KCTD16: variants seen among roughly 807,000 people sequenced by gnomAD.
The protein encoded by KCTD16 is potassium channel tetramerization domain containing 16.
Under a neutral mutation model 33.2 loss-of-function variants are expected in KCTD16, and 13 were observed. The ratio of observed to expected loss-of-function variants is 0.39; its 90% CI spans 0.25 to 0.62. The LOEUF is 0.62. Ranked by LOEUF, KCTD16 falls within the 20% of genes least tolerant of loss-of-function variation. The pLI is 0.50. For missense variants in KCTD16, 441 were observed against 525.1 expected, an observed-to-expected ratio of 0.84 and a Z score of 1.57; for synonymous variants, 197 against 195.3, an observed-to-expected ratio of 1.01 and a Z score of -0.07.
Position 144,341,921 on chromosome 5 carries a change from C to T in KCTD16, c.833-131739C>T, listed in dbSNP as rs138604615. On this transcript the variant is annotated intron_variant, in intron 3 of 3. Transcript: ENST00000512467. ...AACAGTAGGATCAGTGAGTTAGTTT[C>T]AGTCTTGTATGTAAGCCATTTCATG... is the stretch of plus-strand genomic sequence containing the variant. Among the ~76,000 whole-genome samples, 5 of 152,204 alleles carry T rather than the reference C, an allele frequency of 3.3e-5. No homozygotes were observed. In the East Asian group the frequency reaches 9.6e-4, roughly 29 times the overall value.
chr5:144,341,683 A>G (rs998094305), intron 3 of KCTD16, among the ~76,000 whole-genome samples: 1 of 152,234 alleles, frequency 6.6e-6, no homozygotes, highest in Non-Finnish European at 1.5e-5. Context: ...TCAATGCATT[A>G]CAAGAGAGGA....
intron 3 of KCTD16, among the ~76,000 whole-genome samples, chr5:144,338,585 C>T (rs1752548847): frequency 6.6e-6 from 1 of 152,056 alleles, no homozygotes; most frequent in Admixed American, 6.5e-5. Flanking sequence ...AAAGAAAAAA[C>T]CCTGGGGGTT....
chr5:144,418,058 G>A (rs763017399), intron 3 of KCTD16, among the ~76,000 whole-genome samples: 4 of 152,154 alleles, frequency 2.6e-5, no homozygotes, highest in African/African-American at 4.8e-5. Flanking sequence ...CCTTGGCAGT[G>A]AGTATTACAG....
intron 3 of KCTD16, among the ~76,000 whole-genome samples, chr5:144,359,868 T>G (rs987563593): frequency 3.9e-5 from 6 of 152,220 alleles, no homozygotes; most frequent in African/African-American, 4.8e-5. Context: ...CGAAAACTTG[T>G]GCAAAGCCTT....
At chr5:144,257,765 G>A (rs1048737019) in intron 3 of KCTD16, among the ~76,000 whole-genome samples, 1 of 152,160 alleles carries the variant, frequency 6.6e-6, no homozygotes, top group South Asian at 2.1e-4. Context: ...GGGATTACAG[G>A]CGTGAGCCAC....
chr5:144,186,334 G>A (rs1752723245), intron 2 of KCTD16, among the ~76,000 whole-genome samples: 1 of 134,802 alleles, frequency 7.4e-6, no homozygotes. Context: ...CGAAGTTTGT[G>A]CTAGATCTCA....
At chr5:144,184,838 C>T (rs1374581008) in intron 2 of KCTD16, among the ~76,000 whole-genome samples, 3 of 152,098 alleles carry the variant, frequency 2.0e-5, no homozygotes, top group African/African-American at 7.2e-5. Flanking sequence ...TCTATTCAAG[C>T]CCTTTGCTAC....
At chr5:144,457,659 G>A (rs576343446) in intron 3 of KCTD16, among the ~76,000 whole-genome samples, 12 of 152,296 alleles carry the variant, frequency 7.9e-5, no homozygotes, top group African/African-American at 2.9e-4. Flanking sequence ...AGATTAAAGT[G>A]AAGACTGACA....
intron 3 of KCTD16, among the ~76,000 whole-genome samples, chr5:144,432,441 A>G (rs1043498541): frequency 2.0e-5 from 3 of 152,190 alleles, no homozygotes; most frequent in Non-Finnish European, 4.4e-5. Context: ...AGTAGAAGGG[A>G]AATTGTCTTT....
At chr5:144,174,663 A>G (rs1395053086) in intron 2 of KCTD16, among the ~76,000 whole-genome samples, 191 bp downstream of exon 2, 2 of 152,190 alleles carry the variant, frequency 1.3e-5, no homozygotes, top group African/African-American at 2.4e-5. Flanking sequence ...AACGATGAAT[A>G]GTTTTGGGAA....
chr5:144,352,168 TAAAG>T, intron 3 of KCTD16, among the ~76,000 whole-genome samples: 1 of 152,124 alleles, frequency 6.6e-6, no homozygotes, highest in Non-Finnish European at 1.5e-5. Context: ...CAATTAAAAA[TAAAG>T]AAAATAAAGC....
At chr5:144,292,092 T>C (rs1467387817) in intron 3 of KCTD16, among the ~76,000 whole-genome samples, 4 of 152,210 alleles carry the variant, frequency 2.6e-5, no homozygotes, top group Non-Finnish European at 5.9e-5. Flanking sequence ...AAAAATCTTA[T>C]TATGAGAAAA....
chr5:144,421,649 C>T (rs1487448675), intron 3 of KCTD16, among the ~76,000 whole-genome samples: 1 of 152,096 alleles, frequency 6.6e-6, no homozygotes, highest in Admixed American at 6.6e-5. Context: ...CTACTGTCTC[C>T]ACTGTTGCAC....
chr5:144,465,194 T>C (rs111332241), intron 3 of KCTD16, among the ~76,000 whole-genome samples: 2,854 of 48,792 alleles, frequency 0.058, 198 homozygotes, highest in East Asian at 0.13. Context: ...CCCCCCTCTC[T>C]CTCTCACTCT....
At chr5:144,429,019 C>T (rs1301811063) in intron 3 of KCTD16, among the ~76,000 whole-genome samples, 1 of 152,056 alleles carries the variant, frequency 6.6e-6, no homozygotes. Flanking sequence ...CTGCTGATAC[C>T]TTGCATGAAC....
chr5:144,232,955 G>A (rs1561537768), intron 3 of KCTD16, among the ~76,000 whole-genome samples: 1 of 152,116 alleles, frequency 6.6e-6, no homozygotes. Context: ...CCTGAAAACT[G>A]TGGTTTCCTA....
At chr5:144,421,245 C>T (rs988172038) in intron 3 of KCTD16, among the ~76,000 whole-genome samples, 1 of 152,080 alleles carries the variant, frequency 6.6e-6, no homozygotes, top group African/African-American at 2.4e-5. Flanking sequence ...AAACAAAAAA[C>T]AAAAGACAAT....
At chr5:144,396,453 G>A (rs17101872) in intron 3 of KCTD16, among the ~76,000 whole-genome samples, 2,981 of 152,174 alleles carry the variant, frequency 0.02, 99 homozygotes, top group African/African-American at 0.069. Context: ...GGACATTTGC[G>A]TTTATATACT....
In KCTD16 at chr5:144,174,448, C is replaced by A. The variant is rs971108419; in HGVS notation, c.-351C>A. On this transcript the variant is annotated 5_prime_UTR_variant, in exon 2 of 4. Coordinates refer to ENST00000512467, the MANE Select transcript of KCTD16 (RefSeq NM_020768.4). The stretch of plus-strand genomic sequence containing the variant: ...ATTTCAGTCAAGTTCCACAATGAAA[C>A]CTGACAATAATGGTAAAAACCAATG... The A allele has an allele frequency of 6.6e-6, 1 of 152,128 alleles. No individual in the cohort carries two copies. 9.4% of individuals were successfully genotyped at this position (152,128 alleles called of 1,614,324 possible). A position where few individuals can be genotyped will look rare whatever the true frequency, so the allele number is the denominator to read the frequency against.
Sources: allele counts gnomAD v4.1 joint callset (sites outside exome capture counted in the v4.1 genomes callset), GRCh38; gene constraint gnomAD v4.1.1; transcripts MANE v1.5; gene names NCBI Gene and HGNC (gene_info 2026-07-23, HGNC 2026-07-21).